Variants in HSH2D observed in about 807,000 individuals in gnomAD.
The protein encoded by HSH2D is hematopoietic SH2 domain-containing protein.
HSH2D carries 16 observed loss-of-function variants against 21.5 expected under a neutral mutation model. The observed-to-expected ratio is 0.74, with a 90% CI of 0.50 to 1.13. The LOEUF (loss-of-function observed/expected upper bound fraction) is 1.13, where lower values mean the gene tolerates loss of function less well. HSH2D is among the 50% of genes most tolerant of loss of function. The probability of loss-of-function intolerance (pLI) is 0.00; values close to 1 mark genes in which losing one functional copy is unlikely to be tolerated. For missense variants in HSH2D, 418 were observed against 441.4 expected, an observed-to-expected ratio of 0.95 and a Z score of 0.47; for synonymous variants, 172 against 184.7, an observed-to-expected ratio of 0.93 and a Z score of 0.56.
intron 1 of HSH2D, among the ~76,000 whole-genome samples, chr19:16,138,189 A>C (rs1366218641): frequency 3.9e-5 from 6 of 152,118 alleles, no homozygotes; most frequent in Non-Finnish European, 8.8e-5. Flanking sequence ...TTTCATATCA[A>C]TGGAATCATG....
upstream of HSH2D, chr19:16,143,672 C>A: frequency 2.3e-6 from 1 of 427,942 alleles, no homozygotes; most frequent in Non-Finnish European, 4.7e-6. Flanking sequence ...CTCGGGGCAG[C>A]CAGCCCCGCC....
chr19:16,145,034 G>T (rs369970661), intron 1 of HSH2D, among the ~76,000 whole-genome samples: 6,479 of 122,994 alleles, frequency 0.053, 436 homozygotes, highest in African/African-American at 0.23. Context: ...TTTTTTTTTT[G>T]GGGTTTTTTT....
At chr19:16,137,386 G>C (rs10411088) in intron 1 of HSH2D, among the ~76,000 whole-genome samples, 47,142 of 151,848 alleles carry the variant, frequency 0.31, 7,431 homozygotes, top group Middle Eastern at 0.35. Context: ...CCAGCACTTT[G>C]GGAGGCCGAC....
intron 2 of HSH2D, among the ~76,000 whole-genome samples, chr19:16,151,824 G>C (rs891170761): frequency 1.5e-3 from 228 of 150,038 alleles, no homozygotes; most frequent in African/African-American, 5.5e-3. Flanking sequence ...TTAGAAAACA[G>C]GCCGGGCACA....
Position 16,144,712 on chromosome 19 carries a change from A to G in HSH2D, c.-28+938A>G, listed in dbSNP as rs1443320458. Among the ~76,000 whole-genome samples the G allele has an allele frequency of 4.5e-4, 20 of 44,316 alleles. No homozygotes were observed. The South Asian group carries it at 0.014, about 30-fold the overall frequency. The allele number at this position is 44,316 out of a possible 152,430, so 29.1% of individuals were successfully genotyped here. A position where few individuals can be genotyped will look rare whatever the true frequency, so the allele number is the denominator to read the frequency against. ...TTTTTTTTTTTTTTTTTTTTTTTTG[A>G]GACGGAGTCTTGCTCTGTCGCCCAG... On this transcript the variant is annotated intron_variant, in intron 1 of 5. Coordinates refer to ENST00000613986, the MANE Select transcript of HSH2D (RefSeq NM_001382417.1).
intron 4 of HSH2D, 52 bp from the exon 5 acceptor site, chr19:16,154,347 A>G: frequency 7.7e-7 from 1 of 1,294,526 alleles, no homozygotes; most frequent in Non-Finnish European, 1.1e-6. Context: ...GGGTCCGTGC[A>G]GGACCTTTCC....
chr19:16,153,154 C>T lies in HSH2D; in HGVS notation c.327C>T (p.His109=). The change falls in exon 4 of 6, where the codon CAC becomes CAT. Residue 109 remains histidine (H), a synonymous_variant. Transcript: ENST00000613986. ...CGCTGGACGCCCTGGTCACCTTCCA[C>T]CAGCAGAAGCCAATTGAGCCGCGCA... ...HTSLDALVTF[H]QQKPIEPRRE... The T allele has an allele frequency of 6.3e-7, 1 of 1,579,134 alleles. No individual in the cohort carries two copies. Among genetic ancestry groups the T allele is most frequent in the South Asian group, 1.2e-5 (1 of 86,676 alleles).
rs1372468987 is a variant in HSH2D at position 16,157,532 on chromosome 19, C to T, written c.797C>T (p.Thr266Met). Residue 266 changes from threonine (T) to methionine (M), a missense_variant, in exon 6 of 6, where the codon ACG (threonine) becomes ATG (methionine). Transcript: ENST00000613986. The surrounding 1 kb of genome is among the most constrained non-coding windows in gnomAD (Gnocchi z 4.4). ...CCCACCTCGGGGGACAGAGGCTACA[C>T]GGATCCCTGTGTGGCCACATCTCTC... ...GDPTSGDRGY[T>M]DPCVATSLKS... 4.3e-6 allele frequency: 7 copies of T among 1,613,804 alleles called. No individual in the cohort carries two copies. The highest frequency in any genetic ancestry group is 2.2e-5 in the East Asian group (1 of 44,898).
Position 16,148,762 on chromosome 19 carries a change from C to A in HSH2D, c.12C>A (p.Ala4=). The change falls in exon 2 of 6, where the codon GCC becomes GCA. Residue 4 remains alanine (A), a synonymous_variant. Transcript: ENST00000613986. MTE[A]GKLPLPLPPR... ...CACCCCAGGAAGCTATGACAGAGGC[C>A]GGGAAGCTGCCCCTACCGCTACCCC... 6.2e-7 allele frequency: 1 copy of A among 1,613,896 alleles called. No individual in the cohort carries two copies. Among genetic ancestry groups the A allele is most frequent in the Non-Finnish European group, 8.5e-7 (1 of 1,179,864 alleles).
In HSH2D at chr19:16,157,565, C is replaced by T. The variant is rs2091253953; in HGVS notation, c.830C>T (p.Pro277Leu). The T allele has an allele frequency of 6.2e-7, 1 of 1,613,856 alleles. No homozygotes were observed. Residue 277 changes from proline (P) to leucine (L), a missense_variant, in exon 6 of 6, where the codon CCC (proline) becomes CTC (leucine). Physicochemically the swap from Pro to Leu is moderately conservative, Grantham distance 98. Coordinates refer to ENST00000613986, the MANE Select transcript of HSH2D (RefSeq NM_001382417.1). The surrounding 1 kb of genome is among the most constrained non-coding windows in gnomAD (Gnocchi z 4.4). ...TGTGTGGCCACATCTCTCAAAAGCC[C>T]CTCACAGCCCCAGGCACCAAAAGAC... ...DPCVATSLKS[P>L]SQPQAPKDRK...
intron 4 of HSH2D, 38 bp downstream of exon 4, chr19:16,153,246 T>A: frequency 6.8e-7 from 1 of 1,465,842 alleles, no homozygotes; most frequent in Non-Finnish European, 9.0e-7. Flanking sequence ...AGCCATTTCC[T>A]TGGGGCCAAG....
upstream of HSH2D, among the ~76,000 whole-genome samples, chr19:16,142,443 T>G (rs1199864183): frequency 1.3e-5 from 2 of 152,062 alleles, no homozygotes; most frequent in African/African-American, 2.4e-5. Context: ...TGTTTTTTTG[T>G]TTTGTTTTGT....
chr19:16,140,261 C>T (rs2090991117), upstream of HSH2D, among the ~76,000 whole-genome samples: 1 of 151,702 alleles, frequency 6.6e-6, no homozygotes, highest in Non-Finnish European at 1.5e-5. Context: ...TGTACTTGCA[C>T]CACTGCACTC....
chr19:16,142,277 T>C (rs1233622376), upstream of HSH2D, among the ~76,000 whole-genome samples: 2 of 152,178 alleles, frequency 1.3e-5, no homozygotes, highest in Admixed American at 6.5e-5. Context: ...AAAAATATAC[T>C]CTTTCTGCAC....
chr19:16,135,882 G>A (rs2090960500), intron 1 of HSH2D, among the ~76,000 whole-genome samples: 1 of 152,152 alleles, frequency 6.6e-6, no homozygotes, highest in African/African-American at 2.4e-5. Flanking sequence ...TGTGTGGCCT[G>A]AACCCATTGA....
chr19:16,134,959 TAA>T (rs992110141), intron 1 of HSH2D, among the ~76,000 whole-genome samples: 54 of 117,346 alleles, frequency 4.6e-4, no homozygotes, highest in Admixed American at 6.3e-4. Context: ...ACCCCATCTC[TAA>T]AAAAAAAAAA....
upstream of HSH2D, among the ~76,000 whole-genome samples, chr19:16,143,192 C>T (rs1041626383): frequency 1.3e-5 from 2 of 152,178 alleles, no homozygotes; most frequent in African/African-American, 4.8e-5. Flanking sequence ...TCAAGCAATT[C>T]TTGTGCCTCA....
chr19:16,157,508 C>A lies in HSH2D; in HGVS notation c.773C>A (p.Pro258His). The A allele has an allele frequency of 1.2e-6, 2 of 1,613,910 alleles. No homozygotes were observed. The highest frequency in any genetic ancestry group is 1.7e-6 in the Non-Finnish European group (2 of 1,179,858). ...GKGSQDHSGD[P>H]TSGDRGYTDP... is the part of the protein sequence containing the mutation. ...GGCAGCCAAGATCACTCAGGGGATCCCACCTCGGGGGACAGAGGCTACACG... is the reference window on the plus strand; with the variant it reads ...GGCAGCCAAGATCACTCAGGGGATCACACCTCGGGGGACAGAGGCTACACG... The change falls in exon 6 of 6, where the codon CCC (proline) becomes CAC (histidine). Residue 258 changes from proline to histidine, a missense_variant. Physicochemically the swap from Pro to His is moderately conservative, Grantham distance 77 (BLOSUM62 -2). Coordinates refer to ENST00000613986, the MANE Select transcript of HSH2D (RefSeq NM_001382417.1). This position sits in a 1 kb window ranked among gnomAD's most constrained non-coding sequence, Gnocchi z 4.4.
At chr19:16,154,684 G>A (rs111524) in intron 5 of HSH2D, 193 bp downstream of exon 5, 404,923 of 484,980 alleles carry the variant, frequency 0.83, 169,982 homozygotes, top group East Asian at 0.97. Flanking sequence ...CTTTCTGCCT[G>A]TCACCTACCC....
Sources: allele counts gnomAD v4.1 joint callset (sites outside exome capture counted in the v4.1 genomes callset), GRCh38; gene constraint gnomAD v4.1.1; non-coding constraint Gnocchi (gnomAD v3.1); transcripts MANE v1.5; gene names NCBI Gene and HGNC (gene_info 2026-07-23, HGNC 2026-07-21).